STAB2: variants seen among roughly 807,000 people sequenced by gnomAD.
STAB2 encodes the protein stabilin-2.
In STAB2, 288 loss-of-function variants were observed where a neutral mutation model predicts 338.1. That is an observed-to-expected ratio of 0.85 (90% confidence interval 0.77 to 0.94). The LOEUF (loss-of-function observed/expected upper bound fraction) is 0.94. STAB2 is among the 40% of genes least tolerant of loss of function. The pLI, the probability that STAB2 is intolerant of heterozygous loss-of-function variation, is 0.00. For synonymous variants in STAB2, 1,202 were observed against 1,193.3 expected, an observed-to-expected ratio of 1.01 and a Z score of -0.15; for missense variants, 3,141 against 3,210.1, an observed-to-expected ratio of 0.98 and a Z score of 0.52.
intron 9 of STAB2, among the ~76,000 whole-genome samples, chr12:103,647,770 T>C (rs986820408): frequency 6.6e-6 from 1 of 152,240 alleles, no homozygotes; most frequent in African/African-American, 2.4e-5. Context: ...TGTTAAACAT[T>C]TATCAGCATA....
chr12:103,686,228 A>G (rs1191281045), intron 27 of STAB2, among the ~76,000 whole-genome samples: 1 of 152,142 alleles, frequency 6.6e-6, no homozygotes, highest in Non-Finnish European at 1.5e-5. Context: ...GCCTGCACTA[A>G]GAGTCTCGCC....
At chr12:103,734,357 T>A (rs1227762568) in intron 51 of STAB2, among the ~76,000 whole-genome samples, 2 of 129,978 alleles carry the variant, frequency 1.5e-5, no homozygotes, top group Admixed American at 8.0e-5. Context: ...ATGCACAGTC[T>A]CATAGGAACA....
At chr12:103,643,742 G>T (rs1281092177) in intron 9 of STAB2, among the ~76,000 whole-genome samples, 6 of 151,900 alleles carry the variant, frequency 3.9e-5, no homozygotes, top group Admixed American at 6.6e-5. Context: ...CATTAGAAAA[G>T]ATACCACACT....
chr12:103,669,366 TGTG>T (rs1446185918), intron 20 of STAB2, 172 bp from the exon 21 acceptor site: 2 of 604,388 alleles, frequency 3.3e-6, no homozygotes, highest in South Asian at 1.9e-5. Context: ...TCAGTAGAGT[TGTG>T]GTGACCAGAT....
intron 3 of STAB2, among the ~76,000 whole-genome samples, chr12:103,611,905 T>G (rs989973173): frequency 6.6e-6 from 1 of 152,216 alleles, no homozygotes; most frequent in African/African-American, 2.4e-5. Context: ...CTCTCAGCAT[T>G]TGCTTGTCTG....
intron 44 of STAB2, among the ~76,000 whole-genome samples, chr12:103,718,976 G>A (rs1252457144): frequency 6.6e-6 from 1 of 152,182 alleles, no homozygotes; most frequent in Admixed American, 6.5e-5. Context: ...TTTGCATGTC[G>A]ATCCTGGCAG....
At chr12:103,732,754 G>A (rs1360818256) in intron 50 of STAB2, among the ~76,000 whole-genome samples, 1 of 152,140 alleles carries the variant, frequency 6.6e-6, no homozygotes, top group African/African-American at 2.4e-5. Context: ...GCATTGAGCT[G>A]TGACTGTGCT....
intron 3 of STAB2, among the ~76,000 whole-genome samples, chr12:103,601,128 T>C (rs1956947912): frequency 1.5e-5 from 2 of 129,714 alleles, no homozygotes; most frequent in Admixed American, 1.5e-4. Flanking sequence ...TTGCTAGGCT[T>C]CAGTTTCCTC....
In STAB2 at chr12:103,661,217, C is replaced by CAA. The variant is rs10548393; in HGVS notation, c.1869+473_1869+474dup. ...GGGATCAGTAGAAAAGAGTTCCAGA[C>CAA]AAAAAAAAAAAAAAAAAAAAGAGAG... On this transcript the variant is annotated intron_variant, in intron 17 of 68. Coordinates refer to ENST00000388887, the MANE Select transcript of STAB2 (RefSeq NM_017564.10). 2.6e-3 allele frequency among the ~76,000 whole-genome samples: 272 copies of CAA among 105,932 alleles called. 1 individual carries two copies. The highest frequency in any genetic ancestry group is 6.8e-3 in the African/African-American group (192 of 28,214). 69.5% of individuals were successfully genotyped at this position (105,932 alleles called of 152,430 possible).
chr12:103,722,662 A>C (rs1395665772), intron 44 of STAB2, among the ~76,000 whole-genome samples: 1 of 152,168 alleles, frequency 6.6e-6, no homozygotes, highest in Non-Finnish European at 1.5e-5. Context: ...TGTACCTGAC[A>C]CTCAGGTGAA....
chr12:103,602,530 T>C (rs1956968647), intron 3 of STAB2, among the ~76,000 whole-genome samples: 1 of 152,224 alleles, frequency 6.6e-6, no homozygotes, highest in African/African-American at 2.4e-5. Context: ...ATGTTCAACT[T>C]TATTAGAAAC....
chr12:103,588,866 C>T (rs957641868), intron 1 of STAB2, among the ~76,000 whole-genome samples: 12 of 152,146 alleles, frequency 7.9e-5, no homozygotes, highest in African/African-American at 2.9e-4. Context: ...TTTGTTATTA[C>T]TCAATAAAGA....
intron 31 of STAB2, among the ~76,000 whole-genome samples, chr12:103,693,497 C>A (rs1395562241): frequency 6.9e-6 from 1 of 144,138 alleles, no homozygotes; most frequent in Admixed American, 7.0e-5. Flanking sequence ...TCTGTACAAC[C>A]AGATGGGATA....
intron 39 of STAB2, among the ~76,000 whole-genome samples, chr12:103,710,528 A>G (rs2138998036): frequency 6.6e-6 from 1 of 152,334 alleles, no homozygotes; most frequent in East Asian, 1.9e-4. Context: ...AACCCTTCTC[A>G]AAGTAGCACA....
At chr12:103,730,473 C>T (rs1325739894) in intron 49 of STAB2, among the ~76,000 whole-genome samples, 3 of 152,200 alleles carry the variant, frequency 2.0e-5, no homozygotes, top group Non-Finnish European at 2.9e-5. Context: ...CTATAGCATC[C>T]ACAAGGACAG....
chr12:103,686,767 G>A (rs11831493), intron 27 of STAB2, among the ~76,000 whole-genome samples: 41,186 of 152,074 alleles, frequency 0.27, 6,074 homozygotes, highest in East Asian at 0.4. Context: ...TGCTGGGATG[G>A]CAGGCCTGAG....
At chr12:103,663,760 C>G (rs1261409354) in intron 18 of STAB2, among the ~76,000 whole-genome samples, 1 of 152,192 alleles carries the variant, frequency 6.6e-6, no homozygotes, top group African/African-American at 2.4e-5. Flanking sequence ...TATTTCCCAA[C>G]AAGATCACAT....
intron 45 of STAB2, 139 bp downstream of exon 45, chr12:103,725,233 C>A: frequency 2.2e-6 from 3 of 1,358,098 alleles, no homozygotes; most frequent in Non-Finnish European, 3.0e-6. Context: ...CATAAATCAG[C>A]AATGAAAAGA....
intron 53 of STAB2, 44 bp from the exon 54 acceptor site, chr12:103,739,368 T>C: frequency 2.0e-6 from 3 of 1,521,850 alleles, no homozygotes; most frequent in Middle Eastern, 1.7e-4. Flanking sequence ...CCTTGTGTTT[T>C]CTGATATTCT....
Sources: allele counts gnomAD v4.1 joint callset (sites outside exome capture counted in the v4.1 genomes callset), GRCh38; gene constraint gnomAD v4.1.1; transcripts MANE v1.5; gene names NCBI Gene and HGNC (gene_info 2026-07-23, HGNC 2026-07-21).